ZNF148: variants seen among roughly 807,000 people sequenced by gnomAD.
ZNF148 encodes the protein Beta-Enolase Repressor Factor-1.
In ZNF148, 7 loss-of-function variants were observed where a neutral mutation model predicts 67.7. The ratio of observed to expected loss-of-function variants is 0.10; its 90% CI spans 0.06 to 0.19. ZNF148 has a LOEUF of 0.19. Ranked by LOEUF, ZNF148 falls within the 10% of genes least tolerant of loss-of-function variation. The probability of loss-of-function intolerance (pLI) is 1.00; values close to 1 mark genes in which losing one functional copy is unlikely to be tolerated. For synonymous variants in ZNF148, 333 were observed against 330.7 expected (o/e 1.01, Z -0.08); for missense variants, 583 against 947.1 (o/e 0.62, Z 5.05).
intron 4 of ZNF148, among the ~76,000 whole-genome samples, chr3:125,311,540 T>C (rs1162688673): frequency 6.6e-6 from 1 of 152,190 alleles, no homozygotes; most frequent in East Asian, 1.9e-4. Context: ...CTGCTGATAG[T>C]TGTATGTAAA....
chr3:125,346,428 C>T (rs1362142378), intron 1 of ZNF148, among the ~76,000 whole-genome samples: 1 of 152,198 alleles, frequency 6.6e-6, no homozygotes, highest in African/African-American at 2.4e-5. Flanking sequence ...ACTCTTGCTA[C>T]TACTTCTATT....
At chr3:125,238,082 T>C (rs1392035325) in intron 7 of ZNF148, among the ~76,000 whole-genome samples, 1 of 152,068 alleles carries the variant, frequency 6.6e-6, no homozygotes, top group Admixed American at 6.6e-5. Context: ...AGAATGAAGT[T>C]AGACCCCCCC....
chr3:125,240,944 G>T (rs1160438996), intron 7 of ZNF148, among the ~76,000 whole-genome samples: 1 of 151,910 alleles, frequency 6.6e-6, no homozygotes, highest in African/African-American at 2.4e-5. Context: ...CACCTTCCAT[G>T]GTCATTTATT....
At chr3:125,241,633 A>G (rs1238366346) in intron 7 of ZNF148, among the ~76,000 whole-genome samples, 1 of 152,186 alleles carries the variant, frequency 6.6e-6, no homozygotes, top group Non-Finnish European at 1.5e-5. Context: ...TTTATTTTTC[A>G]CTGATGGAAA....
intron 1 of ZNF148, among the ~76,000 whole-genome samples, chr3:125,370,250 T>C (rs1942835765): frequency 1.3e-5 from 2 of 152,204 alleles, no homozygotes; most frequent in African/African-American, 4.8e-5. Flanking sequence ...TAATCCAGTC[T>C]GTCTTCTTCC....
intron 7 of ZNF148, among the ~76,000 whole-genome samples, chr3:125,265,679 A>G (rs1425025750): frequency 1.3e-5 from 2 of 152,178 alleles, no homozygotes; most frequent in African/African-American, 2.4e-5. Context: ...AAGACCATAT[A>G]TGATTGATTT....
intron 1 of ZNF148, among the ~76,000 whole-genome samples, chr3:125,336,805 T>C (rs1034198314): frequency 1.3e-5 from 2 of 148,512 alleles, no homozygotes; most frequent in African/African-American, 2.5e-5. Flanking sequence ...GCCTCCCACA[T>C]AGCTGGGACT....
chr3:125,347,937 G>A (rs62270356), intron 1 of ZNF148, among the ~76,000 whole-genome samples: 115,032 of 152,072 alleles, frequency 0.76, 44,034 homozygotes, highest in African/African-American at 0.85. Context: ...AATGAAACTG[G>A]ATACCTTCAT....
At chr3:125,268,061 C>T (rs777808049) in intron 7 of ZNF148, among the ~76,000 whole-genome samples, 13 of 151,846 alleles carry the variant, frequency 8.6e-5, no homozygotes, top group Non-Finnish European at 1.5e-4. Context: ...TGAAGGAAAT[C>T]ACAGATGACA....
chr3:125,241,313 CTTTCT>C (rs1265378697), intron 7 of ZNF148, among the ~76,000 whole-genome samples: 2 of 148,394 alleles, frequency 1.3e-5, no homozygotes, highest in African/African-American at 2.5e-5. Context: ...TTTTTTCTTT[CTTTCT>C]TTTTTTTTTT....
At chr3:125,279,412 C>T (rs994488673) in intron 5 of ZNF148, among the ~76,000 whole-genome samples, 165 bp from the exon 6 acceptor site, 2 of 152,054 alleles carry the variant, frequency 1.3e-5, no homozygotes, top group Non-Finnish European at 2.9e-5. Context: ...TTATCATTAA[C>T]TGTAGGAAAG....
At chr3:125,287,658 T>C (rs1377235183) in intron 5 of ZNF148, among the ~76,000 whole-genome samples, 3 of 152,028 alleles carry the variant, frequency 2.0e-5, no homozygotes, top group Admixed American at 1.3e-4. Context: ...CCATAAAATA[T>C]TTACTGAGGA....
chr3:125,366,995 T>C (rs1232286255), intron 1 of ZNF148, among the ~76,000 whole-genome samples: 6 of 152,244 alleles, frequency 3.9e-5, no homozygotes, highest in Admixed American at 6.5e-5. Flanking sequence ...CAGATATATT[T>C]GTGATTATAG....
intron 2 of ZNF148, 101 bp downstream of exon 2, chr3:125,331,057 A>C (rs1941269527): frequency 2.5e-6 from 1 of 397,806 alleles, no homozygotes; most frequent in South Asian, 1.3e-4. Context: ...GATTGGCCAT[A>C]AATGCACACT....
At chr3:125,262,394 G>C (rs963637534) in intron 7 of ZNF148, among the ~76,000 whole-genome samples, 2 of 152,222 alleles carry the variant, frequency 1.3e-5, no homozygotes, top group Admixed American at 6.5e-5. Flanking sequence ...ATTGTAGTTT[G>C]AGCTTGGAAA....
intron 7 of ZNF148, among the ~76,000 whole-genome samples, chr3:125,256,454 A>T (rs1369891639): frequency 6.6e-6 from 1 of 152,054 alleles, no homozygotes; most frequent in Non-Finnish European, 1.5e-5. Context: ...AGGCGGGCGG[A>T]TCACCTGAGC....
chr3:125,263,075 CATTT>C (rs1353899844), intron 7 of ZNF148, among the ~76,000 whole-genome samples: 1 of 152,192 alleles, frequency 6.6e-6, no homozygotes, highest in Non-Finnish European at 1.5e-5. Flanking sequence ...GTTCTTTACT[CATTT>C]TTTTGAAAAC....
At chr3:125,292,852 A>G (rs1426059667) in intron 4 of ZNF148, 1 of 152,192 alleles carries the variant, frequency 6.6e-6, no homozygotes, top group Non-Finnish European at 1.5e-5. Flanking sequence ...TTCCCTTAAA[A>G]GTATACAGTG....
chr3:125,309,667 T>G (rs898596749), intron 4 of ZNF148, among the ~76,000 whole-genome samples: 1 of 152,222 alleles, frequency 6.6e-6, no homozygotes. Flanking sequence ...ACATTTTAGC[T>G]GTTTAGTAAT....
Sources: gnomAD v4.1 joint callset for allele counts (sites outside exome capture counted in the v4.1 genomes callset) on GRCh38, gnomAD v4.1.1 for gene constraint, MANE v1.5 for transcripts, NCBI Gene and HGNC (gene_info 2026-07-23, HGNC 2026-07-21) for gene names.